Variants in MARCHF1 observed in about 807,000 individuals in gnomAD.
The protein encoded by MARCHF1 is membrane associated ring-CH-type finger 1, also known as E3 ubiquitin-protein ligase MARCHF1.
A neutral mutation model predicts 54.2 loss-of-function variants in MARCHF1; 40 were observed. The observed-to-expected ratio is 0.74, with a 90% confidence interval of 0.57 to 0.96. The LOEUF is 0.96. Ranked by LOEUF, MARCHF1 falls within the 40% of genes least tolerant of loss-of-function variation. The pLI, the probability that MARCHF1 is intolerant of heterozygous loss-of-function variation, is 0.00. For missense variants in MARCHF1, 586 were observed against 656.5 expected (o/e 0.89, Z 1.17); for synonymous variants, 236 against 236.3 (o/e 1.00, Z 0.01).
chr4:164,085,886 G>A (rs1369979320), intron 2 of MARCHF1, among the ~76,000 whole-genome samples: 1 of 151,702 alleles, frequency 6.6e-6, no homozygotes. Context: ...ACTTATTGGA[G>A]AAAGTACAAT....
intron 3 of MARCHF1, among the ~76,000 whole-genome samples, chr4:163,881,819 T>G (rs2111245457): frequency 6.6e-6 from 1 of 152,320 alleles, no homozygotes; most frequent in African/African-American, 2.4e-5. Context: ...TGGATACTAT[T>G]TATTAAATCT....
intron 1 of MARCHF1, among the ~76,000 whole-genome samples, chr4:164,227,621 A>T (rs2111169371): frequency 6.6e-6 from 1 of 152,250 alleles, no homozygotes; most frequent in East Asian, 1.9e-4. Flanking sequence ...TTTATCAAAA[A>T]TTTTAAAAAA....
intron 1 of MARCHF1, among the ~76,000 whole-genome samples, chr4:164,345,318 G>C (rs941220970): frequency 2.0e-5 from 3 of 152,016 alleles, no homozygotes; most frequent in Admixed American, 6.6e-5. Context: ...TGTAATCCTT[G>C]TACTGTGGAA....
At chr4:163,563,032 CT>C (rs1739523385) in intron 8 of MARCHF1, among the ~76,000 whole-genome samples, 1 of 152,210 alleles carries the variant, frequency 6.6e-6, no homozygotes. Flanking sequence ...CACCTGGACA[CT>C]TCGTTCTCCA....
In MARCHF1 at chr4:164,301,478, G is replaced by T. The variant is rs558950431; in HGVS notation, c.-323+82392C>A. Among the ~76,000 whole-genome samples, 7 of 152,272 alleles carry T rather than the reference G, an allele frequency of 4.6e-5. No individual in the cohort carries two copies. The South Asian group carries it at 1.4e-3, about 32-fold the overall frequency. The stretch of plus-strand genomic sequence containing the variant: ...ACACTGAATTTTACAGGAAGAAAAA[G>T]AAGTTAAAATGTCAACCAAATAGAA... On this transcript the variant is annotated intron_variant, in intron 1 of 9. Coordinates refer to ENST00000514618, the MANE Select transcript of MARCHF1 (RefSeq NM_001394959.1).
intron 3 of MARCHF1, among the ~76,000 whole-genome samples, chr4:163,880,276 TATG>T (rs1466671241): frequency 2.0e-5 from 3 of 151,458 alleles, no homozygotes; most frequent in African/African-American, 2.4e-5. Context: ...AAAATTATTT[TATG>T]ATATTTAAAT....
intron 4 of MARCHF1, among the ~76,000 whole-genome samples, chr4:163,781,962 T>A (rs1422250484): frequency 6.6e-6 from 1 of 152,084 alleles, no homozygotes; most frequent in East Asian, 1.9e-4. Flanking sequence ...ATAGGTGAAG[T>A]CAGATAAGGT....
At chr4:164,096,541 C>T (rs994656015) in intron 2 of MARCHF1, among the ~76,000 whole-genome samples, 1 of 151,224 alleles carries the variant, frequency 6.6e-6, no homozygotes, top group Admixed American at 6.6e-5. Flanking sequence ...TTGTAACAGA[C>T]CTGCACATGT....
At chr4:163,694,302 T>C (rs1744553010) in intron 5 of MARCHF1, among the ~76,000 whole-genome samples, 2 of 152,142 alleles carry the variant, frequency 1.3e-5, no homozygotes, top group Admixed American at 6.6e-5. Context: ...TGGGTGCTTT[T>C]GTTTCTAAAG....
intron 4 of MARCHF1, among the ~76,000 whole-genome samples, chr4:163,756,474 A>C (rs894085549): frequency 1.3e-5 from 2 of 151,752 alleles, no homozygotes; most frequent in African/African-American, 2.4e-5. Context: ...TAAAAAAAAA[A>C]TACAAATTAT....
At chr4:163,792,374 G>A (rs991272010) in intron 4 of MARCHF1, among the ~76,000 whole-genome samples, 3 of 152,026 alleles carry the variant, frequency 2.0e-5, no homozygotes, top group Non-Finnish European at 2.9e-5. Context: ...TATAATTCAC[G>A]TTTGTTCTTT....
intron 5 of MARCHF1, among the ~76,000 whole-genome samples, chr4:163,698,961 T>A (rs1338994556): frequency 6.6e-6 from 1 of 152,138 alleles, no homozygotes; most frequent in Non-Finnish European, 1.5e-5. Context: ...TCAGAAAACC[T>A]CCTTCAGGTG....
intron 5 of MARCHF1, among the ~76,000 whole-genome samples, chr4:163,632,293 G>C (rs1255806783): frequency 2.0e-5 from 3 of 152,218 alleles, no homozygotes; most frequent in Non-Finnish European, 2.9e-5. Flanking sequence ...CAGCCTGAGC[G>C]ACGCAGAAGA....
intron 4 of MARCHF1, among the ~76,000 whole-genome samples, chr4:163,847,823 C>T (rs1749530413): frequency 6.6e-6 from 1 of 152,154 alleles, no homozygotes; most frequent in Admixed American, 6.5e-5. Context: ...TCAAGCGATC[C>T]TCCTGCCTCA....
At chr4:164,209,399 G>T (rs999861905) in intron 1 of MARCHF1, among the ~76,000 whole-genome samples, 5 of 152,122 alleles carry the variant, frequency 3.3e-5, no homozygotes. Flanking sequence ...CCCAGGGCTG[G>T]AATCTTCTCA....
At chr4:164,325,992 T>C (rs1379339569) in intron 1 of MARCHF1, among the ~76,000 whole-genome samples, 1 of 152,208 alleles carries the variant, frequency 6.6e-6, no homozygotes, top group Non-Finnish European at 1.5e-5. Flanking sequence ...TACATTTTTA[T>C]GTCGATTCCA....
intron 2 of MARCHF1, among the ~76,000 whole-genome samples, chr4:164,027,059 A>C (rs902336736): frequency 2.0e-5 from 3 of 152,086 alleles, no homozygotes; most frequent in Non-Finnish European, 4.4e-5. Context: ...AGAACTAAAA[A>C]ACACTGCTGA....
chr4:164,311,809 T>C (rs1734856598), intron 1 of MARCHF1, among the ~76,000 whole-genome samples: 1 of 152,210 alleles, frequency 6.6e-6, no homozygotes, highest in Admixed American at 6.5e-5. Flanking sequence ...GTTGTAACAT[T>C]GCATATGCAC....
At chr4:163,704,365 TA>T (rs1744891676) in intron 4 of MARCHF1, among the ~76,000 whole-genome samples, 1 of 151,616 alleles carries the variant, frequency 6.6e-6, no homozygotes, top group Admixed American at 6.6e-5. Flanking sequence ...GGTTTGTAAA[TA>T]AAAAATAAGC....
Sources: allele counts gnomAD v4.1 joint callset (sites outside exome capture counted in the v4.1 genomes callset), GRCh38; gene constraint gnomAD v4.1.1; transcripts MANE v1.5; gene names NCBI Gene and HGNC (gene_info 2026-07-23, HGNC 2026-07-21).